The following BPIFC variants were observed in gnomAD, a reference collection of about 807,000 sequenced individuals.
BPIFC encodes BPI fold-containing family C protein.
In BPIFC, 60 loss-of-function variants were observed where a neutral mutation model predicts 57.6. The observed-to-expected ratio is 1.04, with a 90% CI of 0.85 to 1.29. The LOEUF (loss-of-function observed/expected upper bound fraction) is 1.29, where lower values mean the gene tolerates loss of function less well. Among genes scored for constraint, BPIFC ranks in the 50% most tolerant of loss-of-function variants. BPIFC has a pLI of 0.00. For missense variants in BPIFC, 581 were observed against 600.5 expected, an observed-to-expected ratio of 0.97 and a Z score of 0.34; for synonymous variants, 243 against 224.5, an observed-to-expected ratio of 1.08 and a Z score of -0.74.
At chr22:32,441,886 G>A (rs1934575066) in intron 8 of BPIFC, among the ~76,000 whole-genome samples, 1 of 152,104 alleles carries the variant, frequency 6.6e-6, no homozygotes. Context: ...AGATCATCAG[G>A]CATTAGATTC....
chr22:32,440,776 A>C (rs1415198554), intron 8 of BPIFC, among the ~76,000 whole-genome samples: 2 of 152,166 alleles, frequency 1.3e-5, no homozygotes, highest in Non-Finnish European at 2.9e-5. Flanking sequence ...TTCAAGGTAC[A>C]TCCAGAATCC....
intron 3 of BPIFC, among the ~76,000 whole-genome samples, chr22:32,454,844 A>G (rs1261981534): frequency 2.0e-5 from 3 of 152,310 alleles, no homozygotes; most frequent in Non-Finnish European, 4.4e-5. Flanking sequence ...TGCAAGTTAC[A>G]TAGCTTCTCT....
Position 32,445,731 on chromosome 22 carries a change from A to AAAAAAAAAAAAT in BPIFC, c.531-34_531-33insATTTTTTTTTTT, listed in dbSNP as rs1568954978. 6 of 1,532,352 alleles carry AAAAAAAAAAAAT rather than the reference A, an allele frequency of 3.9e-6. No homozygotes were observed. The South Asian group carries it at 5.0e-5, about 13-fold the overall frequency. The allele number at this position is 1,532,352 out of a possible 1,614,324, so 94.9% of individuals were successfully genotyped here. A position where few individuals can be genotyped will look rare whatever the true frequency, so the allele number is the denominator to read the frequency against. ...AAAAAATGAAAAAAAAAAAAAAAAA[A>AAAAAAAAAAAAT]AAAAGAGGTTACTCAGAGACCATAA... On this transcript the variant is annotated intron_variant, in intron 6 of 16. Transcript: ENST00000300399.
intron 4 of BPIFC, among the ~76,000 whole-genome samples, chr22:32,451,233 A>G (rs1934887753): frequency 6.6e-6 from 1 of 152,194 alleles, no homozygotes; most frequent in Admixed American, 6.5e-5. Flanking sequence ...ATAGTATTCC[A>G]TGGTGTATAT....
In BPIFC at chr22:32,419,377, A is replaced by G. The variant is rs1933770247; in HGVS notation, c.1245T>C (p.Asn415=). 1 of 1,613,826 alleles carries G rather than the reference A, an allele frequency of 6.2e-7. No homozygotes were observed. Among genetic ancestry groups the G allele is most frequent in the Admixed American group, 1.7e-5 (1 of 59,992 alleles). The change falls in exon 14 of 17, where the codon AAT becomes AAC. Residue 415 remains asparagine, a synonymous_variant. Coordinates refer to ENST00000300399, the MANE Select transcript of BPIFC (RefSeq NM_174932.3). ...AGATTCCTACCTCAATGTTGCTGCGATTGGACTCTGGCAAAGCAAGGCGGA... is the reference window on the plus strand; with the variant it reads ...AGATTCCTACCTCAATGTTGCTGCGGTTGGACTCTGGCAAAGCAAGGCGGA... ...NRFRLALPES[N]RSNIEVLRFE...
At chr22:32,436,404 G>A (rs1934401868) in intron 9 of BPIFC, among the ~76,000 whole-genome samples, 2 of 150,824 alleles carry the variant, frequency 1.3e-5, no homozygotes, top group African/African-American at 4.9e-5. Flanking sequence ...AGAGGAGGAG[G>A]AGGAGGGAAA....
Position 32,414,096 on chromosome 22 carries a change from A to G in BPIFC, c.*207T>C. On this transcript the variant is annotated 3_prime_UTR_variant, in exon 17 of 17. Transcript: ENST00000300399. ...ATAAACACAGACACACGCAGCATGC[A>G]TACACTCACATTCAGACACCTCTAT... 1 of 458,680 alleles carries G rather than the reference A, an allele frequency of 2.2e-6. No individual in the cohort carries two copies. Among genetic ancestry groups the G allele is most frequent in the Non-Finnish European group, 3.8e-6 (1 of 263,878 alleles). The allele number at this position is 458,680 out of a possible 1,614,324, so 28.4% of individuals were successfully genotyped here. A position where few individuals can be genotyped will look rare whatever the true frequency, so the allele number is the denominator to read the frequency against.
intron 3 of BPIFC, among the ~76,000 whole-genome samples, chr22:32,455,070 G>A (rs866956889): frequency 2.9e-5 from 1 of 34,270 alleles, no homozygotes; most frequent in African/African-American, 1.1e-4. Flanking sequence ...TTTTTTTTTT[G>A]AGACAGAGTC....
intron 5 of BPIFC, chr22:32,446,762 G>A: frequency 2.0e-6 from 2 of 985,404 alleles, no homozygotes; most frequent in South Asian, 9.4e-5. Context: ...CTACACGAGG[G>A]TGCAAAGGCC....
chr22:32,462,705 C>T (rs1935192175), intron 1 of BPIFC, among the ~76,000 whole-genome samples: 1 of 152,188 alleles, frequency 6.6e-6, no homozygotes, highest in Non-Finnish European at 1.5e-5. Flanking sequence ...CCTTGTTCTT[C>T]TGGTTCCTAA....
rs796330210 is a variant in BPIFC at position 32,424,642 on chromosome 22, C to CTCTTCTTCTTCTTCTTCTTCTTCT, written c.1218-5262_1218-5239dup. On this transcript the variant is annotated intron_variant, in intron 13 of 16. Transcript: ENST00000300399. ...TCCTCCTCCTCCTCTTCTTCTTCTT[C>CTCTTCTTCTTCTTCTTCTTCTTCT]TCTTCTTCTTCTTCTTCTTCTTCTT... 1.3e-3 allele frequency among the ~76,000 whole-genome samples: 38 copies of CTCTTCTTCTTCTTCTTCTTCTTCT among 28,776 alleles called. 1 individual carries two copies. Among genetic ancestry groups the CTCTTCTTCTTCTTCTTCTTCTTCT allele is most frequent in the East Asian group, 5.2e-3 (6 of 1,158 alleles). The allele number at this position is 28,776 out of a possible 152,430, so 18.9% of individuals were successfully genotyped here. A position where few individuals can be genotyped will look rare whatever the true frequency, so the allele number is the denominator to read the frequency against.
At chr22:32,426,690 G>A (rs753910079) in intron 13 of BPIFC, among the ~76,000 whole-genome samples, 3 of 152,000 alleles carry the variant, frequency 2.0e-5, no homozygotes, top group South Asian at 4.1e-4. Context: ...TCAGGAGTTC[G>A]AGACCAGCCT....
chr22:32,431,442 A>ATTTATTTTTTTTTTTTTTTTTTTTTTTG, intron 12 of BPIFC, 28 bp from the exon 13 acceptor site: 4 of 1,217,744 alleles, frequency 3.3e-6, no homozygotes, highest in Non-Finnish European at 3.6e-6. Context: ...ATTTATTATT[A>ATTTATTTTTTTTTTTTTTTTTTTTTTTG]AGACGAGTGA....
intron 8 of BPIFC, among the ~76,000 whole-genome samples, chr22:32,440,993 A>G (rs1197854520): frequency 2.0e-5 from 3 of 152,006 alleles, no homozygotes; most frequent in African/African-American, 4.8e-5. Flanking sequence ...AAGGCATCCC[A>G]TCTTAGATTA....
In BPIFC at chr22:32,434,082, TTA is replaced by T. The variant is rs10628834; in HGVS notation, c.925-312_925-311del. Reference sequence around the variant, plus strand: ...CGTATGTAGTACAACAAAGTTTTAGTTATATATATATATATCTATATGTACAT... The same window carrying T: ...CGTATGTAGTACAACAAAGTTTTAGTTATATATATATATCTATATGTACAT... On this transcript the variant is annotated intron_variant, in intron 10 of 16. Transcript: ENST00000300399. 1.0e-3 allele frequency among the ~76,000 whole-genome samples: 150 copies of T among 147,292 alleles called. 2 individuals are homozygous for T. The highest frequency in any genetic ancestry group is 3.1e-3 in the African/African-American group (125 of 40,568).
chr22:32,442,642 C>T (rs1474028508), intron 8 of BPIFC, 29 bp downstream of exon 8: 1 of 1,604,876 alleles, frequency 6.2e-7, no homozygotes, highest in Non-Finnish European at 8.5e-7. Flanking sequence ...GGAAGACAAC[C>T]ATCTGGAAAA....
At chr22:32,448,477 G>A (rs181446617) in intron 4 of BPIFC, among the ~76,000 whole-genome samples, 3 of 152,256 alleles carry the variant, frequency 2.0e-5, no homozygotes, top group Middle Eastern at 3.4e-3. Flanking sequence ...AATCAGAAAC[G>A]TGCCTTCCTC....
chr22:32,445,234 A>G (rs1458668945), intron 7 of BPIFC, among the ~76,000 whole-genome samples: 1 of 152,204 alleles, frequency 6.6e-6, no homozygotes, highest in Non-Finnish European at 1.5e-5. Flanking sequence ...AGGTTTCTTG[A>G]TTAAGAATTA....
At chr22:32,443,233 G>A (rs538477539) in intron 7 of BPIFC, among the ~76,000 whole-genome samples, 4 of 149,754 alleles carry the variant, frequency 2.7e-5, no homozygotes, top group East Asian at 2.0e-4. Context: ...GCGCGATCTC[G>A]GCTCACTGCA....
Sources: allele counts gnomAD v4.1 joint callset (sites outside exome capture counted in the v4.1 genomes callset), GRCh38; gene constraint gnomAD v4.1.1; transcripts MANE v1.5; gene names NCBI Gene and HGNC (gene_info 2026-07-23, HGNC 2026-07-21).